The following SAMHD1 variants were observed in gnomAD, a reference collection of about 807,000 sequenced individuals.
The protein encoded by SAMHD1 is SAM and HD domain containing deoxynucleoside triphosphate triphosphohydrolase 1, also known as deoxynucleoside triphosphate triphosphohydrolase SAMHD1.
In SAMHD1, 54 loss-of-function variants were observed where a neutral mutation model predicts 79.6. The observed-to-expected ratio is 0.68, with a 90% CI of 0.55 to 0.85. The LOEUF is 0.85. SAMHD1 is among the 40% of genes least tolerant of loss of function. SAMHD1 has a pLI of 0.00. For missense variants in SAMHD1, 663 were observed against 782.7 expected (o/e 0.85, Z 1.82); for synonymous variants, 260 against 264.1 (o/e 0.98, Z 0.15).
intron 4 of SAMHD1, among the ~76,000 whole-genome samples, chr20:36,931,999 G>A (rs2146133388): frequency 6.6e-6 from 1 of 152,114 alleles, no homozygotes; most frequent in South Asian, 2.1e-4. Flanking sequence ...AAAAAAGAGG[G>A]CCGGGTGCGG....
rs569383031 is a variant in SAMHD1 at position 36,890,915 on chromosome 20, T to C, written c.*2017A>G. On this transcript the variant is annotated 3_prime_UTR_variant, in exon 16 of 16. Coordinates refer to ENST00000646673, the MANE Select transcript of SAMHD1 (RefSeq NM_015474.4). Reference sequence around the variant, plus strand: ...AGTTGTTTTGCAGACAGCACAATGATACAATATTAGGACTACAGAATCTCA... The same window carrying C: ...AGTTGTTTTGCAGACAGCACAATGACACAATATTAGGACTACAGAATCTCA... The C allele has an allele frequency of 1.3e-5, 2 of 152,356 alleles. No individual in the cohort carries two copies. Among genetic ancestry groups the C allele is most frequent in the South Asian group, 4.1e-4 (2 of 4,828 alleles). The allele number at this position is 152,356 out of a possible 1,614,324, so 9.4% of individuals were successfully genotyped here.
rs2146137550 is a variant in SAMHD1 at position 36,935,127 on chromosome 20, A to G, written c.411T>C (p.Asp137=). The G allele has an allele frequency of 6.2e-7, 1 of 1,613,898 alleles. No homozygotes were observed. The highest frequency in any genetic ancestry group is 1.1e-5 in the South Asian group (1 of 91,088). Residue 137 remains aspartate (D), a synonymous_variant, in exon 4 of 16, where the codon GAT becomes GAC. Coordinates refer to ENST00000646673, the MANE Select transcript of SAMHD1 (RefSeq NM_015474.4). ...ELHPLLVRII[D]TPQFQRLRYI... ...ATCGAAGACGTTGAAATTGAGGTGT[A>G]TCAATGATTCGGACGAGGAGAGGGT...
At chr20:36,897,752 A>G (rs1990222853) in intron 15 of SAMHD1, 70 bp downstream of exon 15, 1 of 1,567,396 alleles carries the variant, frequency 6.4e-7, no homozygotes, top group South Asian at 1.1e-5. Context: ...TTTTCAGCAG[A>G]TAGACTTACT....
chr20:36,922,991 TA>T (rs1208886916), intron 6 of SAMHD1, among the ~76,000 whole-genome samples: 5 of 151,806 alleles, frequency 3.3e-5, no homozygotes, highest in Non-Finnish European at 5.9e-5. Context: ...TATCTATATA[TA>T]AAGAGAGAGT....
chr20:36,902,054 C>T (rs1990315660), intron 13 of SAMHD1, among the ~76,000 whole-genome samples: 1 of 152,054 alleles, frequency 6.6e-6, no homozygotes, highest in Non-Finnish European at 1.5e-5. Flanking sequence ...ACCTAATGGC[C>T]TATAGTTTAT....
chr20:36,921,358 A>ACT (rs2063502574), intron 6 of SAMHD1, among the ~76,000 whole-genome samples: 1 of 138,160 alleles, frequency 7.2e-6, no homozygotes, highest in African/African-American at 2.8e-5. Context: ...ACGCCACTGC[A>ACT]CTACAGGCTG....
At chr20:36,951,359 G>C in intron 1 of SAMHD1, 77 bp downstream of exon 1, 1 of 1,594,716 alleles carries the variant, frequency 6.3e-7, no homozygotes, top group South Asian at 1.1e-5. Context: ...TCCTCTCGTG[G>C]GGCCCCCTCC....
At chr20:36,915,625 T>A (rs1460313508) in intron 9 of SAMHD1, among the ~76,000 whole-genome samples, 2 of 151,302 alleles carry the variant, frequency 1.3e-5, no homozygotes, top group Non-Finnish European at 2.9e-5. Context: ...TAAACCTAGC[T>A]AGTCACAAGG....
intron 1 of SAMHD1, among the ~76,000 whole-genome samples, chr20:36,951,079 G>A (rs563713151): frequency 1.3e-5 from 2 of 152,222 alleles, no homozygotes; most frequent in South Asian, 4.1e-4. Context: ...AGAAACCCAC[G>A]AGAGTGAGAT....
intron 4 of SAMHD1, 132 bp downstream of exon 4, chr20:36,934,897 A>G (rs1376066693): frequency 3.4e-6 from 3 of 890,124 alleles, no homozygotes; most frequent in Admixed American, 3.7e-5. Flanking sequence ...ACCTCATGTG[A>G]TCCACCCACC....
At chr20:36,942,297 A>G (rs2063650734) in intron 2 of SAMHD1, among the ~76,000 whole-genome samples, 3 of 152,146 alleles carry the variant, frequency 2.0e-5, no homozygotes, top group African/African-American at 7.2e-5. Context: ...GCATGCCTGT[A>G]ATCCCAGCTA....
In SAMHD1 at chr20:36,912,452, G is replaced by A. The variant is rs377745198; in HGVS notation, c.1154+9C>T. On this transcript the variant is annotated intron_variant, in intron 10 of 15. Coordinates refer to ENST00000646673, the MANE Select transcript of SAMHD1 (RefSeq NM_015474.4). ...AATTTTATAGGGAAATGACAATCAA[G>A]TTTCTTACATTGTATCAATAATGTT... 80 of 1,578,434 alleles carry A rather than the reference G, an allele frequency of 5.1e-5. No individual in the cohort carries two copies. Among genetic ancestry groups the A allele is most frequent in the South Asian group, 1.4e-4 (13 of 90,308 alleles).
chr20:36,935,305 A>C, intron 3 of SAMHD1, 116 bp from the exon 4 acceptor site: 1 of 819,426 alleles, frequency 1.2e-6, no homozygotes, highest in Non-Finnish European at 2.1e-6. Flanking sequence ...TCAAGTAAAA[A>C]TACTAACGGA....
At chr20:36,904,044 C>G in intron 13 of SAMHD1, 113 bp downstream of exon 13, 1 of 341,740 alleles carries the variant, frequency 2.9e-6, no homozygotes, top group Non-Finnish European at 5.8e-6. Context: ...GAGGGCACAT[C>G]ATCTTTCTGT....
intron 3 of SAMHD1, among the ~76,000 whole-genome samples, chr20:36,939,643 A>G (rs576402152): frequency 6.6e-6 from 1 of 152,308 alleles, no homozygotes; most frequent in African/African-American, 2.4e-5. Context: ...AAGCAAAATT[A>G]AAATATGTAT....
chr20:36,911,314 T>C lies in SAMHD1; in HGVS notation c.1174A>G (p.Lys392Glu), dbSNP rs1338752164. Residue 392 changes from lysine to glutamate, a missense_variant, in exon 11 of 16, where the codon AAA (lysine) becomes GAA (glutamate). Lys to Glu is a moderately conservative substitution (Grantham distance 56). Coordinates refer to ENST00000646673, the MANE Select transcript of SAMHD1 (RefSeq NM_015474.4). ...IDTMITDAFL[K>E]ADDYIEITGA... is the part of the protein sequence containing the mutation. ...GTAATCTCTATGTAGTCATCTGCTTTGAGGAAAGCATCTGTAATCCTAAAA... is the reference window on the plus strand; with the variant it reads ...GTAATCTCTATGTAGTCATCTGCTTCGAGGAAAGCATCTGTAATCCTAAAA... 1 of 1,611,030 alleles carries C rather than the reference T, an allele frequency of 6.2e-7. No individual in the cohort carries two copies. The highest frequency in any genetic ancestry group is 1.1e-5 in the South Asian group (1 of 91,050).
chr20:36,890,947 A>G lies in SAMHD1; in HGVS notation c.*1985T>C, dbSNP rs1487959727. ...TTAGGACTACAGAATCTCAGAGTAA[A>G]CCACAATGATTTAAAGGTAAGATAC... On this transcript the variant is annotated 3_prime_UTR_variant, in exon 16 of 16. Coordinates refer to ENST00000646673, the MANE Select transcript of SAMHD1 (RefSeq NM_015474.4). The G allele has an allele frequency of 1.3e-5, 2 of 152,222 alleles. No homozygotes were observed. Among genetic ancestry groups the G allele is most frequent in the African/African-American group, 4.8e-5 (2 of 41,450 alleles). 9.4% of individuals were successfully genotyped at this position (152,222 alleles called of 1,614,324 possible).
At chr20:36,945,138 G>A (rs2063677276) in intron 2 of SAMHD1, among the ~76,000 whole-genome samples, 1 of 152,108 alleles carries the variant, frequency 6.6e-6, no homozygotes, top group Admixed American at 6.6e-5. Flanking sequence ...TGGGCTCAAG[G>A]GATCTTCCTG....
intron 3 of SAMHD1, among the ~76,000 whole-genome samples, chr20:36,937,240 C>G (rs1439050900): frequency 6.6e-6 from 1 of 151,974 alleles, no homozygotes; most frequent in Non-Finnish European, 1.5e-5. Context: ...ATCTCAGCTT[C>G]AGAGGCCAAC....
Sources: allele counts gnomAD v4.1 joint callset (sites outside exome capture counted in the v4.1 genomes callset), GRCh38; gene constraint gnomAD v4.1.1; transcripts MANE v1.5; gene names NCBI Gene and HGNC (gene_info 2026-07-23, HGNC 2026-07-21).